The following STPG2 variants were observed in gnomAD, a reference collection of about 807,000 sequenced individuals.
STPG2 encodes the protein sperm-tail PG-rich repeat-containing protein 2.
In STPG2, 56 loss-of-function variants were observed where a neutral mutation model predicts 54.2. The observed-to-expected ratio is 1.03, with a 90% CI of 0.83 to 1.29. The LOEUF is 1.29. Ranked by LOEUF, STPG2 falls within the 50% of genes most tolerant of loss-of-function variation. STPG2 has a pLI of 0.00. For missense variants in STPG2, 596 were observed against 544.9 expected (o/e 1.09, Z -0.93); for synonymous variants, 200 against 181.8 (o/e 1.10, Z -0.81).
intron 2 of STPG2, among the ~76,000 whole-genome samples, chr4:98,130,065 G>A (rs916044759): frequency 4.0e-5 from 6 of 151,798 alleles, no homozygotes; most frequent in African/African-American, 9.7e-5. Flanking sequence ...TCACCATGTT[G>A]GCCAAGCTGG....
In STPG2 at chr4:97,488,620, A is replaced by G. The variant is rs182180967; in HGVS notation, c.462+224079T>C. On this transcript the variant is annotated intron_variant, in intron 4 of 4. Coordinates refer to the STPG2 transcript ENST00000522676. ...GGAGTGGGTAAGTAGGCAGTCTTTC[A>G]GAAACCCAGACTCATAGCAAATCAG... Among the ~76,000 whole-genome samples the G allele has an allele frequency of 9.3e-4, 141 of 151,860 alleles. 1 individual carries two copies. The highest frequency in any genetic ancestry group is 3.3e-3 in the African/African-American group (139 of 41,496).
At chr4:97,726,085 C>G (rs922773309) in intron 9 of STPG2, among the ~76,000 whole-genome samples, 1 of 151,824 alleles carries the variant, frequency 6.6e-6, no homozygotes, top group East Asian at 1.9e-4. Flanking sequence ...AGGTTTAATA[C>G]AAATCAGGCC....
intron 5 of STPG2, among the ~76,000 whole-genome samples, chr4:98,036,195 A>G (rs924564922): frequency 6.6e-6 from 1 of 152,140 alleles, no homozygotes. Flanking sequence ...AGGAACACTT[A>G]TACACTGTTG....
chr4:97,943,401 T>C (rs552916339), intron 8 of STPG2, among the ~76,000 whole-genome samples: 1 of 152,306 alleles, frequency 6.6e-6, no homozygotes, highest in Non-Finnish European at 1.5e-5. Flanking sequence ...TAATTTAATC[T>C]GCTTCACTGT....
At chr4:97,554,215 C>G (rs1732029279), downstream of STPG2, among the ~76,000 whole-genome samples, 1 of 152,148 alleles carries the variant, frequency 6.6e-6, no homozygotes, top group East Asian at 1.9e-4. Flanking sequence ...GGTTTCTCAT[C>G]AGCTCACTCT....
At chr4:97,646,508 A>C (rs1721915055) in intron 10 of STPG2, among the ~76,000 whole-genome samples, 1 of 152,160 alleles carries the variant, frequency 6.6e-6, no homozygotes, top group African/African-American at 2.4e-5. Context: ...ACATAGATCT[A>C]TAATGGAAAC....
intron 9 of STPG2, among the ~76,000 whole-genome samples, chr4:97,800,569 G>A (rs540766417): frequency 3.3e-5 from 5 of 152,338 alleles, no homozygotes; most frequent in South Asian, 2.1e-4. Context: ...GTACCCGGCC[G>A]TGTGAGGTGT....
chr4:97,589,075 C>T (rs1039660691), intron 10 of STPG2, among the ~76,000 whole-genome samples: 4 of 151,734 alleles, frequency 2.6e-5, no homozygotes, highest in South Asian at 2.1e-4. Context: ...TAAGTAAATA[C>T]GATGCAGTTA....
At chr4:97,517,710 T>C (rs1316105028) in intron 4 of STPG2, among the ~76,000 whole-genome samples, 3 of 152,120 alleles carry the variant, frequency 2.0e-5, no homozygotes, top group African/African-American at 4.8e-5. Flanking sequence ...TCTTTAATTA[T>C]TCTAGGTGTC....
At chr4:97,469,857 T>G (rs1729879537) in intron 4 of STPG2, among the ~76,000 whole-genome samples, 2 of 152,010 alleles carry the variant, frequency 1.3e-5, no homozygotes, top group South Asian at 4.1e-4. Flanking sequence ...AAAAAAAGGT[T>G]GTGTTTTATG....
intron 10 of STPG2, among the ~76,000 whole-genome samples, chr4:97,595,948 G>T (rs1733278086): frequency 6.6e-6 from 1 of 152,074 alleles, no homozygotes; most frequent in Non-Finnish European, 1.5e-5. Context: ...TGGGCTAAAT[G>T]CCCCAAGTAA....
At chr4:97,991,735 G>C (rs1475510752) in intron 5 of STPG2, among the ~76,000 whole-genome samples, 4 of 151,992 alleles carry the variant, frequency 2.6e-5, no homozygotes, top group Admixed American at 6.6e-5. Flanking sequence ...GTGGAAAACT[G>C]TTCCCTTTTC....
intron 4 of STPG2, among the ~76,000 whole-genome samples, chr4:97,457,911 G>T (rs146314235): frequency 2.0e-3 from 312 of 152,224 alleles, no homozygotes; most frequent in African/African-American, 7.4e-3. Context: ...AGTGATGAAA[G>T]AACTAAACTT....
At chr4:97,914,462 T>G (rs1731800559) in intron 8 of STPG2, among the ~76,000 whole-genome samples, 1 of 152,212 alleles carries the variant, frequency 6.6e-6, no homozygotes, top group Non-Finnish European at 1.5e-5. Flanking sequence ...ATCATTTTTA[T>G]AATTTTTAAG....
At chr4:97,958,235 G>T (rs1024320889) in intron 7 of STPG2, among the ~76,000 whole-genome samples, 1 of 151,988 alleles carries the variant, frequency 6.6e-6, no homozygotes, top group Admixed American at 6.6e-5. Flanking sequence ...GCTTGAACCT[G>T]GGAGGTGGAC....
chr4:97,767,851 G>GA (rs1276468429), intron 9 of STPG2, among the ~76,000 whole-genome samples: 2 of 152,132 alleles, frequency 1.3e-5, no homozygotes, highest in African/African-American at 4.8e-5. Context: ...GATGAGAAGA[G>GA]AAAATCTGAA....
At chr4:97,591,028 T>C (rs1447328831) in intron 10 of STPG2, among the ~76,000 whole-genome samples, 3 of 152,160 alleles carry the variant, frequency 2.0e-5, no homozygotes, top group Non-Finnish European at 4.4e-5. Context: ...TCTGGAATAT[T>C]TATTTTAGTT....
chr4:97,542,718 C>G (rs1032566392), intron 4 of STPG2, among the ~76,000 whole-genome samples: 8 of 152,046 alleles, frequency 5.3e-5, no homozygotes, highest in Non-Finnish European at 1.2e-4. Flanking sequence ...TTGGAACGAA[C>G]CGAAATGTCC....
chr4:97,834,326 G>T (rs765879833), intron 9 of STPG2, among the ~76,000 whole-genome samples: 7 of 152,070 alleles, frequency 4.6e-5, no homozygotes, highest in East Asian at 1.9e-4. Context: ...CATGGACACA[G>T]GCAGGAGAAC....
Sources: allele counts gnomAD v4.1 joint callset (sites outside exome capture counted in the v4.1 genomes callset), GRCh38; gene constraint gnomAD v4.1.1; transcripts MANE v1.5; gene names NCBI Gene and HGNC (gene_info 2026-07-23, HGNC 2026-07-21).